The following CASQ1 variants were observed in gnomAD, a reference collection of about 807,000 sequenced individuals.
The protein encoded by CASQ1 is calsequestrin 1.
In CASQ1, 40 loss-of-function variants were observed where a neutral mutation model predicts 49.5. The ratio of observed to expected loss-of-function variants is 0.81; its 90% CI spans 0.63 to 1.05. CASQ1 has a LOEUF of 1.05. Among genes scored for constraint, CASQ1 ranks in the 50% least tolerant of loss-of-function variants. The pLI is 0.00. For missense variants in CASQ1, 469 were observed against 486.9 expected, an observed-to-expected ratio of 0.96 and a Z score of 0.35; for synonymous variants, 174 against 187.2, an observed-to-expected ratio of 0.93 and a Z score of 0.58.
chr1:160,191,250 T>G (rs1410120746), intron 1 of CASQ1, among the ~76,000 whole-genome samples: 1 of 152,122 alleles, frequency 6.6e-6, no homozygotes, highest in Non-Finnish European at 1.5e-5. Context: ...AGGAAACCTT[T>G]AGCAGGGGTG....
In CASQ1 at chr1:160,192,485, G is replaced by A. The variant is rs534586547; in HGVS notation, c.280-317G>A. On this transcript the variant is annotated intron_variant, in intron 1 of 10. Coordinates refer to ENST00000368078, the MANE Select transcript of CASQ1 (RefSeq NM_001231.5). ...AATGCAGGACTCAACCCTGAAGGAG[G>A]GAAGGGGCCCTCAGTCACTCTGAAG... Among the ~76,000 whole-genome samples, 5 of 152,306 alleles carry A rather than the reference G, an allele frequency of 3.3e-5. No individual in the cohort carries two copies. In the East Asian group the frequency reaches 7.7e-4, roughly 24 times the overall value.
chr1:160,201,236 A>G lies in CASQ1; in HGVS notation c.1060-9A>G, dbSNP rs768415897. ...CTTAGCTTCCGTCCCTGCCTGTGCC[A>G]TCTCCTAGGCGGATAGCGTATGGAT... On this transcript the variant is annotated splice_polypyrimidine_tract_variant and intron_variant, in intron 10 of 10. Transcript: ENST00000368078. 3.7e-6 allele frequency: 6 copies of G among 1,611,826 alleles called. No individual in the cohort carries two copies. The highest frequency in any genetic ancestry group is 1.7e-5 in the Admixed American group (1 of 59,694).
intron 5 of CASQ1, 124 bp downstream of exon 5, chr1:160,195,658 C>CCA (rs1553192595): frequency 7.3e-6 from 6 of 825,726 alleles, no homozygotes; most frequent in Admixed American, 6.2e-5. Flanking sequence ...ACCTGCCCCC[C>CCA]CCCCCGGCTC....
chr1:160,192,492 G>A (rs1055948372), intron 1 of CASQ1: 1 of 244,780 alleles, frequency 4.1e-6, no homozygotes, highest in Non-Finnish European at 8.1e-6. Context: ...GAGGGAAGGG[G>A]CCCTCAGTCA....
Position 160,199,876 on chromosome 1 carries a change from T to A in CASQ1, c.1010T>A (p.Phe337Tyr). 11 of 1,613,408 alleles carry A rather than the reference T, an allele frequency of 6.8e-6. No homozygotes were observed. Among genetic ancestry groups the A allele is most frequent in the Non-Finnish European group, 9.3e-6 (11 of 1,179,340 alleles). ...PLLVPYWEKTFDIDLSAPQIG... is the reference protein window; with the variant it reads ...PLLVPYWEKTYDIDLSAPQIG... ...CTGGTCCCATACTGGGAGAAGACGT[T>A]TGACATCGACTTGTCAGCCCCACAA... is the stretch of plus-strand genomic sequence containing the variant. The change falls in exon 10 of 11, where the codon TTT becomes TAT. Residue 337 changes from phenylalanine to tyrosine, a missense_variant. By Grantham distance (22) the Phe-to-Tyr change is conservative. Coordinates refer to ENST00000368078, the MANE Select transcript of CASQ1 (RefSeq NM_001231.5).
chr1:160,195,636 C>A, intron 5 of CASQ1, 102 bp downstream of exon 5: 1 of 1,022,898 alleles, frequency 9.8e-7, no homozygotes, highest in Non-Finnish European at 1.5e-6. Context: ...TTCCTACGTG[C>A]TGGCACTCCC....
rs1011520558 is a variant in CASQ1 at position 160,195,960 on chromosome 1, C to G, written c.715C>G (p.Pro239Ala). 2 of 1,614,066 alleles carry G rather than the reference C, an allele frequency of 1.2e-6. No individual in the cohort carries two copies. The highest frequency in any genetic ancestry group is 2.2e-5 in the East Asian group (1 of 44,882). ...TTTCTACGAGGCCTTCATGGAAGAG[C>G]CTGTGACCATCCCAGACAAGCCCAA... Reference protein sequence around the residue: ...IDFYEAFMEEPVTIPDKPNSE... With the variant: ...IDFYEAFMEEAVTIPDKPNSE... Residue 239 changes from proline (P) to alanine (A), a missense_variant, in exon 6 of 11, where the codon CCT (proline) becomes GCT (alanine). Coordinates refer to ENST00000368078, the MANE Select transcript of CASQ1 (RefSeq NM_001231.5).
intron 9 of CASQ1, 110 bp from the exon 10 acceptor site, chr1:160,199,741 C>T (rs1400874275): frequency 2.7e-6 from 2 of 733,064 alleles, no homozygotes; most frequent in Admixed American, 2.0e-5. Flanking sequence ...CCATCCACTG[C>T]CAGTTCGCAC....
At position 160,201,140 on chromosome 1, in the gene CASQ1, G is replaced by A. The variant is rs1654361283; in HGVS notation, c.1060-105G>A. ...CTGGCCTTTGGCAGATGAAAGGAAGGGACTGAGAATGTAGGGAAGGATGTA... is the reference window on the plus strand; with the variant it reads ...CTGGCCTTTGGCAGATGAAAGGAAGAGACTGAGAATGTAGGGAAGGATGTA... On this transcript the variant is annotated intron_variant, in intron 10 of 10. Coordinates refer to ENST00000368078, the MANE Select transcript of CASQ1 (RefSeq NM_001231.5). The A allele has an allele frequency of 6.7e-6, 8 of 1,188,350 alleles. No individual in the cohort carries two copies. In the Admixed American group the frequency reaches 1.4e-4, roughly 21 times the overall value. 73.6% of individuals were successfully genotyped at this position (1,188,350 alleles called of 1,614,324 possible).
chr1:160,198,033 A>C (rs905237645), intron 7 of CASQ1, among the ~76,000 whole-genome samples: 2 of 151,882 alleles, frequency 1.3e-5, no homozygotes, highest in Admixed American at 1.3e-4. Context: ...AAAAGAAAAA[A>C]CAGTGCACTA....
intron 3 of CASQ1, among the ~76,000 whole-genome samples, chr1:160,194,797 T>C (rs1470811206): frequency 1.4e-5 from 2 of 138,704 alleles, no homozygotes; most frequent in African/African-American, 5.4e-5. Context: ...ACCATACATA[T>C]ATATCACATG....
intron 6 of CASQ1, among the ~76,000 whole-genome samples, chr1:160,197,165 C>T (rs1654262119): frequency 1.4e-5 from 2 of 144,818 alleles, no homozygotes; most frequent in African/African-American, 5.7e-5. Flanking sequence ...ACAGTACTTA[C>T]TCTCCCATAC....
chr1:160,191,188 T>A (rs1654067977), intron 1 of CASQ1, among the ~76,000 whole-genome samples, 158 bp downstream of exon 1: 1 of 152,162 alleles, frequency 6.6e-6, no homozygotes, highest in African/African-American at 2.4e-5. Context: ...GGCATGTGGC[T>A]TTAGTCAAAT....
At position 160,192,898 on chromosome 1, in the gene CASQ1, G is replaced by C; in HGVS notation, c.364+12G>C. 1 of 1,604,902 alleles carries C rather than the reference G, an allele frequency of 6.2e-7. No homozygotes were observed. Among genetic ancestry groups the C allele is most frequent in the Middle Eastern group, 1.7e-4 (1 of 5,980 alleles). On this transcript the variant is annotated intron_variant, in intron 2 of 10. Transcript: ENST00000368078. ...GGCCAAGAAACTAGGTAAGAGAGGG[G>C]AGGGCAGGGGAGGGGAAGGTGGCAT...
At chr1:160,192,772 G>A in intron 1 of CASQ1, 30 bp from the exon 2 acceptor site, 1 of 1,596,688 alleles carries the variant, frequency 6.3e-7, no homozygotes, top group Non-Finnish European at 8.6e-7. Context: ...AATTCCAGGG[G>A]CTAATTTTAA....
In CASQ1 at chr1:160,192,859, A is replaced by C; in HGVS notation, c.337A>C (p.Lys113Gln). 6.2e-7 allele frequency: 1 copy of C among 1,613,982 alleles called. No individual in the cohort carries two copies. The highest frequency in any genetic ancestry group is 8.5e-7 in the Non-Finnish European group (1 of 1,179,942). The change falls in exon 2 of 11, where the codon AAG becomes CAG. Residue 113 changes from lysine to glutamine, a missense_variant. Lys to Gln is a moderately conservative substitution (Grantham distance 53, BLOSUM62 1). Transcript: ENST00000368078. ...GVGFGLVDSE[K>Q]DAAVAKKLGL... ...TGGCTTCGGGCTGGTAGACTCTGAG[A>C]AGGATGCAGCTGTGGCCAAGAAACT...
chr1:160,195,123 C>A lies in CASQ1; in HGVS notation c.577C>A (p.His193Asn). Reference sequence around the variant, plus strand: ...CTACTTCAAGAGCAAAGACTCAGAGCGTGGGTAACCCTCAGACTCCACTGT... The same window carrying A: ...CTACTTCAAGAGCAAAGACTCAGAGAGTGGGTAACCCTCAGACTCCACTGT... ...IGYFKSKDSE[H>N]YKAFEDAAEE... Residue 193 changes from histidine to asparagine, a missense_variant and splice_region_variant, in exon 4 of 11, where the codon CAT (histidine) becomes AAT (asparagine). By Grantham distance (68) the His-to-Asn change is moderately conservative (BLOSUM62 1). Transcript: ENST00000368078. 6.3e-7 allele frequency: 1 copy of A among 1,587,532 alleles called. No individual in the cohort carries two copies. The highest frequency in any genetic ancestry group is 8.6e-7 in the Non-Finnish European group (1 of 1,159,752).
Position 160,195,599 on chromosome 1 carries a change from C to G in CASQ1, c.651+65C>G, listed in dbSNP as rs1571049505. ...CTGAAGCTGTCCTCCAGTTTCCTCT[C>G]CCAGAATCGATGGCTGACCTGGTCC... is the stretch of plus-strand genomic sequence containing the variant. On this transcript the variant is annotated intron_variant, in intron 5 of 10. Coordinates refer to ENST00000368078, the MANE Select transcript of CASQ1 (RefSeq NM_001231.5). 2.0e-6 allele frequency: 3 copies of G among 1,490,076 alleles called. No homozygotes were observed. The East Asian group carries it at 6.8e-5, about 34-fold the overall frequency. 92.3% of individuals were successfully genotyped at this position (1,490,076 alleles called of 1,614,324 possible).
intron 1 of CASQ1, among the ~76,000 whole-genome samples, chr1:160,191,669 C>A (rs1029293710): frequency 6.6e-6 from 1 of 152,148 alleles, no homozygotes; most frequent in African/African-American, 2.4e-5. Flanking sequence ...CCCCAATCTT[C>A]TTTTTGTGGG....
Sources: allele counts gnomAD v4.1 joint callset (sites outside exome capture counted in the v4.1 genomes callset), GRCh38; gene constraint gnomAD v4.1.1; transcripts MANE v1.5; gene names NCBI Gene and HGNC (gene_info 2026-07-23, HGNC 2026-07-21).